The following TBC1D5 variants were observed in gnomAD, a reference collection of about 807,000 sequenced individuals.
TBC1D5 encodes the protein TBC1 domain family, member 5.
In TBC1D5, 75 loss-of-function variants were observed where a neutral mutation model predicts 100.3. That is an observed-to-expected ratio of 0.75 (90% CI 0.62 to 0.91). TBC1D5 has a LOEUF of 0.91. Among genes scored for constraint, TBC1D5 ranks in the 40% least tolerant of loss-of-function variants. TBC1D5 has a pLI of 0.00. For missense variants in TBC1D5, 910 were observed against 942.4 expected (o/e 0.97, Z 0.45); for synonymous variants, 323 against 325.6 (o/e 0.99, Z 0.09).
At chr3:17,510,894 A>G (rs996353291) in intron 2 of TBC1D5, among the ~76,000 whole-genome samples, 4 of 151,968 alleles carry the variant, frequency 2.6e-5, no homozygotes, top group South Asian at 2.1e-4. Context: ...AGAGAGAGTA[A>G]TTAATTTGTC....
chr3:17,394,051 AAGTAGAGATCAGGGATCTGCT>A (rs1325256911), intron 8 of TBC1D5, among the ~76,000 whole-genome samples: 1 of 152,088 alleles, frequency 6.6e-6, no homozygotes, highest in Non-Finnish European at 1.5e-5. Context: ...CAGCTCTAGC[AAGTAGAGATCAGGGATCTGCT>A]AAACATCCTA....
At chr3:17,336,455 C>A (rs531311340) in intron 13 of TBC1D5, among the ~76,000 whole-genome samples, 1 of 152,146 alleles carries the variant, frequency 6.6e-6, no homozygotes, top group Admixed American at 6.6e-5. Flanking sequence ...TATGTGACTG[C>A]TGGCTTTTGG....
intron 19 of TBC1D5, among the ~76,000 whole-genome samples, chr3:17,179,988 C>T (rs780496976): frequency 9.2e-5 from 14 of 152,174 alleles, no homozygotes; most frequent in Non-Finnish European, 1.9e-4. Context: ...GGTTGCTCAC[C>T]CACGTGCAAT....
chr3:17,696,128 A>T (rs2072027611), intron 1 of TBC1D5, among the ~76,000 whole-genome samples: 1 of 152,238 alleles, frequency 6.6e-6, no homozygotes, highest in Non-Finnish European at 1.5e-5. Flanking sequence ...ATAGCTCTAA[A>T]TGCCCACAGA....
At chr3:17,655,106 A>C (rs1457187954) in intron 1 of TBC1D5, among the ~76,000 whole-genome samples, 1 of 151,774 alleles carries the variant, frequency 6.6e-6, no homozygotes, top group Non-Finnish European at 1.5e-5. Context: ...CCTTTCAAAA[A>C]ACCAGCTCCT....
At chr3:17,185,824 C>T (rs2068977028) in intron 18 of TBC1D5, among the ~76,000 whole-genome samples, 1 of 152,054 alleles carries the variant, frequency 6.6e-6, no homozygotes, top group Non-Finnish European at 1.5e-5. Flanking sequence ...AATTGTTGCT[C>T]CTCTCTCTTG....
At chr3:17,708,326 G>A (rs137864188) in intron 1 of TBC1D5, among the ~76,000 whole-genome samples, 103 of 152,218 alleles carry the variant, frequency 6.8e-4, no homozygotes, top group Non-Finnish European at 1.2e-3. Flanking sequence ...ATCAAGTAGC[G>A]AATCACATAT....
chr3:17,208,435 G>T (rs1371184347), intron 18 of TBC1D5, among the ~76,000 whole-genome samples: 1 of 152,230 alleles, frequency 6.6e-6, no homozygotes, highest in Admixed American at 6.5e-5. Context: ...CAGATCATAG[G>T]GACAAGGAGG....
chr3:17,410,675 T>G (rs2093899681), intron 4 of TBC1D5, among the ~76,000 whole-genome samples: 1 of 152,128 alleles, frequency 6.6e-6, no homozygotes, highest in African/African-American at 2.4e-5. Context: ...TGGAGGGGTT[T>G]CAAGACTTCA....
rs545605053 is a variant in TBC1D5 at position 17,508,421 on chromosome 3, T to TGCTAGGTTTCCCAGTACACTACCTA, written c.97+28_97+52dup. 844 of 1,433,024 alleles carry TGCTAGGTTTCCCAGTACACTACCTA rather than the reference T, an allele frequency of 5.9e-4. 5 individuals are homozygous for TGCTAGGTTTCCCAGTACACTACCTA. The Middle Eastern group carries it at 6.7e-3, about 11-fold the overall frequency. 88.8% of individuals were successfully genotyped at this position (1,433,024 alleles called of 1,614,324 possible). A position where few individuals can be genotyped will look rare whatever the true frequency, so the allele number is the denominator to read the frequency against. On this transcript the variant is annotated intron_variant, in intron 3 of 21. Transcript: ENST00000253692. The stretch of plus-strand genomic sequence containing the variant: ...TGGACACAGCTAACTGAGGGCCCTC[T>TGCTAGGTTTCCCAGTACACTACCTA]GCTAGGTTTCCCAGTACACTACCTA...
intron 16 of TBC1D5, among the ~76,000 whole-genome samples, chr3:17,257,143 C>T (rs940739885): frequency 7.1e-6 from 1 of 141,766 alleles, no homozygotes; most frequent in African/African-American, 2.5e-5. Flanking sequence ...TATAAATTGA[C>T]ATTTAGTTGG....
At chr3:17,566,368 A>C (rs1282776977) in intron 2 of TBC1D5, among the ~76,000 whole-genome samples, 1 of 151,988 alleles carries the variant, frequency 6.6e-6, no homozygotes, top group Admixed American at 6.6e-5. Context: ...AAGACAAGAC[A>C]AAACACAACT....
At chr3:17,522,527 A>G (rs2153328622) in intron 2 of TBC1D5, among the ~76,000 whole-genome samples, 2 of 152,264 alleles carry the variant, frequency 1.3e-5, no homozygotes, top group East Asian at 3.9e-4. Flanking sequence ...GTGATTGTCA[A>G]AGAATGTTTC....
intron 8 of TBC1D5, among the ~76,000 whole-genome samples, chr3:17,392,890 T>C (rs368216151): frequency 5.5e-4 from 84 of 152,168 alleles, no homozygotes; most frequent in African/African-American, 1.8e-3. Context: ...AGTAATGGGA[T>C]TGCTGTGTCA....
chr3:17,614,833 G>C (rs972115287), intron 2 of TBC1D5, among the ~76,000 whole-genome samples: 13 of 152,068 alleles, frequency 8.5e-5, no homozygotes, highest in Non-Finnish European at 1.8e-4. Context: ...CTGCAAACTG[G>C]GACAATTTGA....
At position 17,608,593 on chromosome 3, in the gene TBC1D5, A is replaced by T. The variant is rs2061484885; in HGVS notation, c.-36+15256T>A. ...TCTTCTTCAGTTGGGTTAACTCTTC[A>T]TTAAGAGTCACAAAATTAGAATTAC... On this transcript the variant is annotated intron_variant, in intron 2 of 21. Coordinates refer to ENST00000253692, the Ensembl canonical transcript of TBC1D5. Among the ~76,000 whole-genome samples the T allele has an allele frequency of 2.6e-5, 4 of 152,304 alleles. No homozygotes were observed. The South Asian group carries it at 6.2e-4, about 24-fold the overall frequency.
At chr3:17,472,690 C>T (rs1249458509) in intron 3 of TBC1D5, among the ~76,000 whole-genome samples, 2 of 152,164 alleles carry the variant, frequency 1.3e-5, no homozygotes, top group Non-Finnish European at 2.9e-5. Flanking sequence ...TAATTCTCAG[C>T]ATCTATAATA....
intron 1 of TBC1D5, among the ~76,000 whole-genome samples, chr3:17,705,814 G>A (rs2074063573): frequency 6.7e-6 from 1 of 149,060 alleles, no homozygotes; most frequent in Non-Finnish European, 1.5e-5. Context: ...TGGGCGGCCA[G>A]GCAGAGACAC....
chr3:17,299,685 C>T (rs2082624707), intron 14 of TBC1D5, among the ~76,000 whole-genome samples: 1 of 151,894 alleles, frequency 6.6e-6, no homozygotes, highest in African/African-American at 2.4e-5. Context: ...GGTGAAACCC[C>T]GTCTCTACTA....
Sources: allele counts gnomAD v4.1 joint callset (sites outside exome capture counted in the v4.1 genomes callset), GRCh38; gene constraint gnomAD v4.1.1; transcripts MANE v1.5; gene names NCBI Gene and HGNC (gene_info 2026-07-23, HGNC 2026-07-21).